SEPTIN9: variants seen among roughly 807,000 people sequenced by gnomAD.
The protein encoded by SEPTIN9 is septin-9.
A neutral mutation model predicts 56.6 loss-of-function variants in SEPTIN9; 13 were observed. The observed-to-expected ratio is 0.23, with a 90% CI of 0.15 to 0.37. SEPTIN9 has a LOEUF of 0.37. SEPTIN9 is among the 10% of genes least tolerant of loss of function. The pLI is 1.00. For synonymous variants in SEPTIN9, 332 were observed against 334.1 expected, an observed-to-expected ratio of 0.99 and a Z score of 0.07; for missense variants, 650 against 823.1, an observed-to-expected ratio of 0.79 and a Z score of 2.57.
At chr17:77,364,831 C>A (rs1208764551) in intron 2 of SEPTIN9, among the ~76,000 whole-genome samples, 1 of 152,230 alleles carries the variant, frequency 6.6e-6, no homozygotes, top group Non-Finnish European at 1.5e-5. Context: ...CCCAGCTGTG[C>A]CTGGAGGCTC....
In SEPTIN9 at chr17:77,319,085, G is replaced by T. The variant is rs1598185593; in HGVS notation, c.76+11888G>T. ...ACAGTCTGGAGTTTTCAGAGAGATTGCCTGAGTTCTCAGCCTTGGCACAAA... is the reference window on the plus strand; with the variant it reads ...ACAGTCTGGAGTTTTCAGAGAGATTTCCTGAGTTCTCAGCCTTGGCACAAA... On this transcript the variant is annotated intron_variant, in intron 2 of 11. Transcript: ENST00000427177. This position sits in a 1 kb window ranked among gnomAD's most constrained non-coding sequence, Gnocchi z 5.3. Among the ~76,000 whole-genome samples the T allele has an allele frequency of 6.6e-6, 1 of 152,206 alleles. No homozygotes were observed. The highest frequency in any genetic ancestry group is 1.9e-4 in the East Asian group (1 of 5,194).
chr17:77,332,506 G>A (rs1009108703), intron 2 of SEPTIN9, among the ~76,000 whole-genome samples: 3 of 152,148 alleles, frequency 2.0e-5, no homozygotes, highest in Admixed American at 6.6e-5. Flanking sequence ...ACTAGAGTCC[G>A]GCATTTGTCT....
chr17:77,403,376 C>T (rs1233183945), intron 3 of SEPTIN9, among the ~76,000 whole-genome samples: 3 of 152,204 alleles, frequency 2.0e-5, no homozygotes, highest in Non-Finnish European at 4.4e-5. Flanking sequence ...TAGCTGCACA[C>T]GGTTTTATTT....
intron 2 of SEPTIN9, among the ~76,000 whole-genome samples, chr17:77,316,639 C>A (rs1448277229): frequency 6.6e-6 from 1 of 152,180 alleles, no homozygotes; most frequent in African/African-American, 2.4e-5. Context: ...TCCTGGGCTT[C>A]CCTGCCCCAC....
In SEPTIN9 at chr17:77,371,945, C is replaced by A. The variant is rs910695173; in HGVS notation, c.77-30114C>A. Among the ~76,000 whole-genome samples the A allele has an allele frequency of 1.3e-5, 2 of 152,118 alleles. 1 individual carries two copies. The highest frequency in any genetic ancestry group is 3.9e-4 in the East Asian group (2 of 5,180). The stretch of plus-strand genomic sequence containing the variant: ...ACATTTTCCGCAAGAGACCCCCTGC[C>A]CCCCGCCTCTCCAGAATGGCTGGAG... On this transcript the variant is annotated intron_variant, in intron 2 of 11. Transcript: ENST00000427177. The surrounding 1 kb of genome is among the most constrained non-coding windows in gnomAD (Gnocchi z 4.1).
At position 77,493,094 on chromosome 17, in the gene SEPTIN9, C is replaced by T. The variant is rs373992018; in HGVS notation, c.1573+18C>T. 32 of 1,535,004 alleles carry T rather than the reference C, an allele frequency of 2.1e-5. No homozygotes were observed. The highest frequency in any genetic ancestry group is 8.4e-5 in the South Asian group (7 of 83,754). On this transcript the variant is annotated intron_variant, in intron 10 of 11. Transcript: ENST00000427177. ...CATCGAAGGTACTCGCCGCAGGCGC[C>T]GGGGCTCCAGACAGATGGGAAGACA...
chr17:77,498,252 G>C (rs962855493), intron 11 of SEPTIN9, among the ~76,000 whole-genome samples: 1 of 152,060 alleles, frequency 6.6e-6, no homozygotes, highest in African/African-American at 2.4e-5. Context: ...GCCATAGGGT[G>C]GACCCAGAGG....
Position 77,429,290 on chromosome 17 carries a change from G to A in SEPTIN9, c.721+26587G>A, listed in dbSNP as rs750791989. ...CCGTAATTTTGATGGTGCCGATGCC[G>A]TCAGCACGCAGGCCTCCTGCCCTCG... On this transcript the variant is annotated intron_variant, in intron 3 of 11. Coordinates refer to ENST00000427177, the MANE Select transcript of SEPTIN9 (RefSeq NM_001113491.2). This position sits in a 1 kb window ranked among gnomAD's most constrained non-coding sequence, Gnocchi z 5.2. 7 of 471,128 alleles carry A rather than the reference G, an allele frequency of 1.5e-5. No individual in the cohort carries two copies. Among genetic ancestry groups the A allele is most frequent in the African/African-American group, 6.0e-5 (3 of 50,088 alleles). The allele number at this position is 471,128 out of a possible 1,614,324, so 29.2% of individuals were successfully genotyped here.
intron 3 of SEPTIN9, chr17:77,472,876 G>C (rs2039060718): frequency 6.6e-6 from 1 of 152,214 alleles, no homozygotes; most frequent in Non-Finnish European, 1.5e-5. Flanking sequence ...TTCAGTCCTT[G>C]ATCCCCCACC....
chr17:77,474,501 C>CT (rs2039130470), intron 3 of SEPTIN9, among the ~76,000 whole-genome samples: 1 of 152,098 alleles, frequency 6.6e-6, no homozygotes, highest in Non-Finnish European at 1.5e-5. Context: ...GAATCTTCTC[C>CT]TGGCAGTTCA....
chr17:77,461,117 C>G (rs953276491), intron 3 of SEPTIN9, among the ~76,000 whole-genome samples: 2 of 151,908 alleles, frequency 1.3e-5, no homozygotes, highest in African/African-American at 4.8e-5. Flanking sequence ...CCAGCCTGGC[C>G]AACATGGAGA....
intron 2 of SEPTIN9, among the ~76,000 whole-genome samples, chr17:77,311,144 G>A (rs1312315343): frequency 6.6e-6 from 1 of 152,086 alleles, no homozygotes; most frequent in Admixed American, 6.5e-5. Context: ...ACCGGGGAGA[G>A]CCACGTGAAG....
intron 1 of SEPTIN9, among the ~76,000 whole-genome samples, chr17:77,285,156 C>T (rs962925059): frequency 1.3e-5 from 2 of 152,146 alleles, no homozygotes; most frequent in Non-Finnish European, 2.9e-5. Flanking sequence ...GGTCTCTCCC[C>T]CAGCCCCTCA....
At chr17:77,392,933 G>A (rs74000229) in intron 2 of SEPTIN9, among the ~76,000 whole-genome samples, 7,383 of 152,040 alleles carry the variant, frequency 0.049, 463 homozygotes, top group East Asian at 0.17. Context: ...CCTTTTGGAC[G>A]GTTTTGCTTC....
chr17:77,335,041 C>A (rs936535412), intron 2 of SEPTIN9, among the ~76,000 whole-genome samples: 1 of 150,970 alleles, frequency 6.6e-6, no homozygotes, highest in Admixed American at 6.6e-5. Flanking sequence ...CATATTGGCC[C>A]TATGTTGACT....
chr17:77,428,244 G>A (rs2036989060), intron 3 of SEPTIN9, among the ~76,000 whole-genome samples: 1 of 152,226 alleles, frequency 6.6e-6, no homozygotes, highest in Non-Finnish European at 1.5e-5. Context: ...GCCCTGCCTT[G>A]GACAGAGCTC....
intron 11 of SEPTIN9, among the ~76,000 whole-genome samples, chr17:77,498,213 A>G (rs891179472): frequency 6.6e-6 from 1 of 151,782 alleles, no homozygotes; most frequent in African/African-American, 2.4e-5. Flanking sequence ...CTCTGAGTCT[A>G]TGCACTGTCC....
At chr17:77,306,320 G>A (rs1481427329) in intron 1 of SEPTIN9, among the ~76,000 whole-genome samples, 1 of 152,194 alleles carries the variant, frequency 6.6e-6, no homozygotes, top group Non-Finnish European at 1.5e-5. Context: ...TGGCTGTATG[G>A]CATTGCCCAG....
intron 3 of SEPTIN9, among the ~76,000 whole-genome samples, chr17:77,465,831 G>A (rs2038694277): frequency 6.6e-6 from 1 of 152,086 alleles, no homozygotes; most frequent in Non-Finnish European, 1.5e-5. Context: ...TGGGAGGGGA[G>A]GGAGAGGGTG....
Sources: allele counts gnomAD v4.1 joint callset (sites outside exome capture counted in the v4.1 genomes callset), GRCh38; gene constraint gnomAD v4.1.1; non-coding constraint Gnocchi (gnomAD v3.1); transcripts MANE v1.5; gene names NCBI Gene and HGNC (gene_info 2026-07-23, HGNC 2026-07-21).